The following GRAMD1C variants were observed in gnomAD, a reference collection of about 807,000 sequenced individuals.
The protein encoded by GRAMD1C is GRAM domain containing 1C.
A neutral mutation model predicts 97.8 loss-of-function variants in GRAMD1C; 89 were observed. That is an observed-to-expected ratio of 0.91 (90% CI 0.77 to 1.09). The LOEUF (loss-of-function observed/expected upper bound fraction) is 1.09, where lower values mean the gene tolerates loss of function less well. GRAMD1C is among the 50% of genes least tolerant of loss of function. The probability of loss-of-function intolerance (pLI) is 0.00; values close to 1 mark genes in which losing one functional copy is unlikely to be tolerated. For synonymous variants in GRAMD1C, 256 were observed against 267.0 expected (o/e 0.96, Z 0.40); for missense variants, 740 against 766.4 (o/e 0.97, Z 0.41).
chr3:113,870,988 C>T (rs963659634), intron 3 of GRAMD1C, among the ~76,000 whole-genome samples: 1 of 48,734 alleles, frequency 2.1e-5, no homozygotes. Flanking sequence ...CACACACACA[C>T]ACACACACAC....
intron 7 of GRAMD1C, among the ~76,000 whole-genome samples, chr3:113,903,396 ATCT>A (rs1181817255): frequency 1.3e-5 from 2 of 151,990 alleles, no homozygotes; most frequent in African/African-American, 4.8e-5. Flanking sequence ...CGGTTCTTCC[ATCT>A]TCTTCCTCTT....
chr3:113,829,177 C>G (rs112734944), intron 1 of GRAMD1C, among the ~76,000 whole-genome samples: 10 of 152,098 alleles, frequency 6.6e-5, no homozygotes, highest in African/African-American at 2.2e-4. Flanking sequence ...AATCCCAGCA[C>G]GAGGGAAGGC....
chr3:113,834,386 T>A (rs1364469672), upstream of GRAMD1C, among the ~76,000 whole-genome samples: 2 of 151,768 alleles, frequency 1.3e-5, no homozygotes, highest in East Asian at 2.0e-4. Context: ...ACCATGATGG[T>A]CAGGCTGGTC....
rs1368560898 is a variant in GRAMD1C at position 113,934,504 on chromosome 3, G to A, written c.1425G>A (p.Trp475Ter). ...AATCTTTAATTGAAAAGAATTCCTG[G>A]AGTTCTTTGGAGGACTATTTCAAAC... ...LVKSLIEKNS[W>*]SSLEDYFKQL... Residue 475 changes from tryptophan (W) to a stop codon, truncating the protein, a stop_gained, in exon 13 of 18, where the codon TGG becomes TGA. Coordinates refer to ENST00000358160, the MANE Select transcript of GRAMD1C (RefSeq NM_017577.5). LOFTEE classifies it high-confidence loss of function. 2.5e-6 allele frequency: 4 copies of A among 1,571,760 alleles called. No individual in the cohort carries two copies. In the South Asian group the frequency reaches 3.4e-5, roughly 14 times the overall value.
chr3:113,886,193 A>C (rs529210294), intron 6 of GRAMD1C, among the ~76,000 whole-genome samples: 6 of 152,118 alleles, frequency 3.9e-5, no homozygotes, highest in African/African-American at 1.4e-4. Context: ...CTCCACTTGG[A>C]GTCTGGATGG....
chr3:113,846,966 C>CA lies in GRAMD1C; in HGVS notation c.174+2325dup, dbSNP rs1169694761. 4.0e-5 allele frequency among the ~76,000 whole-genome samples: 6 copies of CA among 151,526 alleles called. No homozygotes were observed. In the South Asian group the frequency reaches 1.0e-3, roughly 26 times the overall value. On this transcript the variant is annotated intron_variant, in intron 2 of 17. Transcript: ENST00000358160. ...TCAACAACTCAGAAGCAAACAAAAA[C>CA]AAAAAAAAGACCCCATATAGCTAAA...
intron 4 of GRAMD1C, 63 bp downstream of exon 4, chr3:113,875,650 C>T: frequency 1.3e-6 from 1 of 765,212 alleles, no homozygotes; most frequent in Non-Finnish European, 2.3e-6. Flanking sequence ...TACAGTTCTT[C>T]CAAAAACTCT....
chr3:113,858,014 T>A (rs1176952979), intron 2 of GRAMD1C, among the ~76,000 whole-genome samples: 1 of 152,208 alleles, frequency 6.6e-6, no homozygotes, highest in East Asian at 1.9e-4. Context: ...CTTCATACAA[T>A]GAATTGCGAA....
chr3:113,938,646 C>A (rs570585758), intron 15 of GRAMD1C: 3 of 152,584 alleles, frequency 2.0e-5, no homozygotes, highest in African/African-American at 4.8e-5. Flanking sequence ...TTTAAACATA[C>A]ACCCCAGGTT....
At chr3:113,865,854 C>T (rs997485628) in intron 2 of GRAMD1C, among the ~76,000 whole-genome samples, 2 of 152,016 alleles carry the variant, frequency 1.3e-5, no homozygotes, top group Non-Finnish European at 2.9e-5. Context: ...TGGAATTGTC[C>T]TTTCCATTTG....
At chr3:113,880,579 C>T (rs1209735505) in intron 5 of GRAMD1C, among the ~76,000 whole-genome samples, 1 of 152,078 alleles carries the variant, frequency 6.6e-6, no homozygotes, top group East Asian at 1.9e-4. Flanking sequence ...ACAAACAGTG[C>T]TGCAGTGAAC....
intron 8 of GRAMD1C, among the ~76,000 whole-genome samples, chr3:113,904,824 G>GT (rs899140604): frequency 1.6e-4 from 25 of 151,998 alleles, no homozygotes; most frequent in Admixed American, 1.6e-3. Context: ...AAGCACATCA[G>GT]TTTTTTGTTT....
chr3:113,861,379 GCCTGTCTTCCCA>G (rs1156736675), intron 2 of GRAMD1C, among the ~76,000 whole-genome samples: 2 of 152,110 alleles, frequency 1.3e-5, no homozygotes, highest in South Asian at 4.1e-4. Context: ...GGTTGTGTGT[GCCTGTCTTCCCA>G]CCTACTTAGG....
chr3:113,903,971 T>A (rs1936264761), intron 7 of GRAMD1C, among the ~76,000 whole-genome samples, 169 bp from the exon 8 acceptor site: 1 of 152,230 alleles, frequency 6.6e-6, no homozygotes, highest in Non-Finnish European at 1.5e-5. Flanking sequence ...TCAACTTGCA[T>A]GTAATTTAAG....
intron 10 of GRAMD1C, among the ~76,000 whole-genome samples, chr3:113,917,145 A>AAAAT (rs997242514): frequency 2.6e-5 from 4 of 152,254 alleles, no homozygotes; most frequent in South Asian, 2.1e-4. Flanking sequence ...ACTCTGTCTC[A>AAAAT]AAATAAATAA....
At chr3:113,884,789 A>G (rs1935388857) in intron 6 of GRAMD1C, among the ~76,000 whole-genome samples, 1 of 151,600 alleles carries the variant, frequency 6.6e-6, no homozygotes, top group African/African-American at 2.4e-5. Context: ...CAGCGAGCTG[A>G]GATCACGCCA....
chr3:113,862,311 T>C (rs983093211), intron 2 of GRAMD1C, among the ~76,000 whole-genome samples: 3 of 152,136 alleles, frequency 2.0e-5, no homozygotes, highest in African/African-American at 7.2e-5. Flanking sequence ...AGAGAGCTGC[T>C]CCTAAAGCGG....
chr3:113,933,366 A>G (rs911372787), intron 11 of GRAMD1C, 145 bp from the exon 12 acceptor site: 9 of 567,284 alleles, frequency 1.6e-5, no homozygotes, highest in Admixed American at 6.4e-5. Flanking sequence ...CAGAGTCAGC[A>G]TGTAGGCTCT....
intron 1 of GRAMD1C, among the ~76,000 whole-genome samples, chr3:113,842,948 G>A (rs1001318264): frequency 4.0e-5 from 6 of 150,222 alleles, no homozygotes; most frequent in African/African-American, 1.5e-4. Context: ...AGGCGACAGA[G>A]TGAGACTCTG....
Sources: allele counts gnomAD v4.1 joint callset (sites outside exome capture counted in the v4.1 genomes callset), GRCh38; gene constraint gnomAD v4.1.1; transcripts MANE v1.5; gene names NCBI Gene and HGNC (gene_info 2026-07-23, HGNC 2026-07-21).